The following ADGRA2 variants were observed in gnomAD, a reference collection of about 807,000 sequenced individuals.
The protein encoded by ADGRA2 is G-protein coupled receptor 124.
A neutral mutation model predicts 98.7 loss-of-function variants in ADGRA2; 61 were observed. The observed-to-expected ratio is 0.62, with a 90% CI of 0.50 to 0.76. ADGRA2 has a LOEUF of 0.76. Ranked by LOEUF, ADGRA2 falls within the 30% of genes least tolerant of loss-of-function variation. ADGRA2 has a pLI of 0.00. For synonymous variants in ADGRA2, 858 were observed against 831.5 expected (o/e 1.03, Z -0.55); for missense variants, 1,712 against 1,860.0 (o/e 0.92, Z 1.46).
At chr8:37,804,100 G>GAGACACACACACACAC (rs1310425865) in intron 1 of ADGRA2, among the ~76,000 whole-genome samples, 5 of 107,100 alleles carry the variant, frequency 4.7e-5, no homozygotes, top group Admixed American at 1.0e-4. Flanking sequence ...CCCACGGTGA[G>GAGACACACACACACAC]ACACACACAC....
chr8:37,800,110 C>T (rs1044037646), intron 1 of ADGRA2, among the ~76,000 whole-genome samples: 2 of 152,150 alleles, frequency 1.3e-5, no homozygotes, highest in African/African-American at 4.8e-5. Context: ...TCTGTCTCCT[C>T]CCCATCAGGA....
chr8:37,826,462 T>A (rs1805285718), intron 2 of ADGRA2, among the ~76,000 whole-genome samples: 1 of 152,116 alleles, frequency 6.6e-6, no homozygotes, highest in South Asian at 2.1e-4. Flanking sequence ...GGGGGGCACC[T>A]CCCAGCACAC....
intron 15 of ADGRA2, 68 bp downstream of exon 15, chr8:37,839,151 C>A (rs1335046542): frequency 6.4e-7 from 1 of 1,570,910 alleles, no homozygotes; most frequent in Non-Finnish European, 8.8e-7. Context: ...CTGTCCACTT[C>A]CCGTCCTATG....
intron 2 of ADGRA2, among the ~76,000 whole-genome samples, chr8:37,828,408 CCT>C (rs1805345203): frequency 6.6e-6 from 1 of 151,990 alleles, no homozygotes; most frequent in Admixed American, 6.5e-5. Context: ...TTCTTCGTCT[CCT>C]CTCTCTGTTC....
Position 37,844,364 on chromosome 8 carries a change from G to A in ADGRA2, c.*2009G>A, listed in dbSNP as rs1468801765. 22 of 1,276,896 alleles carry A rather than the reference G, an allele frequency of 1.7e-5. No homozygotes were observed. In the Admixed American group the frequency reaches 3.7e-4, roughly 22 times the overall value. The allele number at this position is 1,276,896 out of a possible 1,614,324, so 79.1% of individuals were successfully genotyped here. A position where few individuals can be genotyped will look rare whatever the true frequency, so the allele number is the denominator to read the frequency against. Reference sequence around the variant, plus strand: ...GACCCAGGGTCCAACTAATGGCAGAGCCCCTCTTGGTTCCTTCAAACAAGA... The same window carrying A: ...GACCCAGGGTCCAACTAATGGCAGAACCCCTCTTGGTTCCTTCAAACAAGA... On this transcript the variant is annotated 3_prime_UTR_variant, in exon 19 of 19. Coordinates refer to ENST00000412232, the MANE Select transcript of ADGRA2 (RefSeq NM_032777.10).
In ADGRA2 at chr8:37,797,918, G is replaced by C. The variant is rs534070211; in HGVS notation, c.266+384G>C. ...GAATGCTCAGGAAAGATCGACGCTC[G>C]TGGCCCAGGAGGGGGCTGTGGTCCT... is the stretch of plus-strand genomic sequence containing the variant. On this transcript the variant is annotated intron_variant, in intron 1 of 18. Coordinates refer to ENST00000412232, the MANE Select transcript of ADGRA2 (RefSeq NM_032777.10). This position sits in a 1 kb window ranked among gnomAD's most constrained non-coding sequence, Gnocchi z 5.3. Among the ~76,000 whole-genome samples, 1 of 152,222 alleles carries C rather than the reference G, an allele frequency of 6.6e-6. No homozygotes were observed. Among genetic ancestry groups the C allele is most frequent in the Non-Finnish European group, 1.5e-5 (1 of 68,040 alleles).
At chr8:37,832,950 G>A in intron 8 of ADGRA2, 60 bp from the exon 9 acceptor site, 2 of 1,330,780 alleles carry the variant, frequency 1.5e-6, no homozygotes, top group South Asian at 1.2e-5. Context: ...CTAAAGTCGG[G>A]AGAAGGGCTG....
At chr8:37,799,323 C>T (rs554571313) in intron 1 of ADGRA2, among the ~76,000 whole-genome samples, 75 of 151,482 alleles carry the variant, frequency 5.0e-4, no homozygotes, top group African/African-American at 1.7e-3. Context: ...TGCAGTGAGC[C>T]GCGATCACGC....
rs373315899 is a variant in ADGRA2 at position 37,831,560 on chromosome 8, G to A, written c.1070G>A (p.Arg357His). 1.3e-4 allele frequency: 215 copies of A among 1,613,876 alleles called. 1 individual carries two copies. The highest frequency in any genetic ancestry group is 1.1e-3 in the East Asian group (48 of 44,884). Residue 357 changes from arginine to histidine, a missense_variant, in exon 8 of 19, where the codon CGT (arginine) becomes CAT (histidine). By Grantham distance (29) the Arg-to-His change is conservative. Transcript: ENST00000412232. ...ETSASYCPAE[R>H]VANNRGDFRW... ...TCTGCCTCCTACTGCCCCGCCGAGC[G>A]TGTTGCCAACAACCGCGGGGACTTC...
At chr8:37,835,523 G>A in intron 12 of ADGRA2, 31 bp from the exon 13 acceptor site, 1 of 1,519,410 alleles carries the variant, frequency 6.6e-7, no homozygotes, top group Non-Finnish European at 9.1e-7. Flanking sequence ...GGGGGTCCTG[G>A]TGTCTCTGAG....
intron 1 of ADGRA2, among the ~76,000 whole-genome samples, chr8:37,811,807 G>A (rs1804839872): frequency 6.6e-6 from 1 of 151,200 alleles, no homozygotes; most frequent in Admixed American, 6.6e-5. Context: ...GTGGCTACTA[G>A]GAAATTTAAA....
intron 2 of ADGRA2, among the ~76,000 whole-genome samples, chr8:37,827,073 T>G (rs1805303486): frequency 6.6e-6 from 1 of 152,190 alleles, no homozygotes; most frequent in Non-Finnish European, 1.5e-5. Context: ...CTCCTGCCAG[T>G]GGGTGGGAGC....
At chr8:37,804,521 C>T (rs1012040051) in intron 1 of ADGRA2, among the ~76,000 whole-genome samples, 2 of 152,160 alleles carry the variant, frequency 1.3e-5, no homozygotes, top group Non-Finnish European at 1.5e-5. Flanking sequence ...GGAGGGTTGC[C>T]GAGATACAGA....
intron 2 of ADGRA2, among the ~76,000 whole-genome samples, chr8:37,823,025 G>A (rs1401449780): frequency 2.6e-5 from 4 of 151,428 alleles, no homozygotes; most frequent in Non-Finnish European, 2.9e-5. Context: ...CTGAGTACCT[G>A]GGATTACAGG....
At chr8:37,837,710 G>T (rs1462225686) in intron 13 of ADGRA2, 21 bp from the exon 14 acceptor site, 2 of 1,544,682 alleles carry the variant, frequency 1.3e-6, no homozygotes, top group Middle Eastern at 1.7e-4. Flanking sequence ...TGTCTGTGTG[G>T]ACGTCCCTCT....
intron 9 of ADGRA2, 113 bp from the exon 10 acceptor site, chr8:37,833,575 C>A: frequency 9.0e-7 from 1 of 1,106,186 alleles, no homozygotes; most frequent in Non-Finnish European, 1.3e-6. Context: ...AGAAGGTAGG[C>A]TGGACTCCTG....
At chr8:37,811,706 C>A (rs1322878514) in intron 1 of ADGRA2, among the ~76,000 whole-genome samples, 1 of 151,476 alleles carries the variant, frequency 6.6e-6, no homozygotes, top group African/African-American at 2.4e-5. Context: ...AAACTCCTGA[C>A]CACAGGTGAT....
intron 2 of ADGRA2, among the ~76,000 whole-genome samples, chr8:37,818,995 A>C (rs1805056987): frequency 6.6e-6 from 1 of 152,140 alleles, no homozygotes. Context: ...TGAGAAATAG[A>C]AGGGCAGTGT....
Position 37,841,911 on chromosome 8 carries a change from C to A in ADGRA2, c.3573C>A (p.Arg1191=), listed in dbSNP as rs1238773862. ...ACAAGAGCCGGGCCAAGGGACACCGCGCGGGGGAGGCCTGCGGCAAGAACC... is the reference window on the plus strand; with the variant it reads ...ACAAGAGCCGGGCCAAGGGACACCGAGCGGGGGAGGCCTGCGGCAAGAACC... The part of the protein sequence containing the change: ...RAHKSRAKGH[R]AGEACGKNRL... Residue 1191 remains arginine (R), a synonymous_variant, in exon 19 of 19, where the codon CGC becomes CGA. Coordinates refer to ENST00000412232, the MANE Select transcript of ADGRA2 (RefSeq NM_032777.10). The surrounding 1 kb of genome is among the most constrained non-coding windows in gnomAD (Gnocchi z 5.0). The A allele has an allele frequency of 6.5e-7, 1 of 1,528,128 alleles. No individual in the cohort carries two copies. Among genetic ancestry groups the A allele is most frequent in the East Asian group, 2.5e-5 (1 of 40,076 alleles). 94.7% of individuals were successfully genotyped at this position (1,528,128 alleles called of 1,614,324 possible). A position where few individuals can be genotyped will look rare whatever the true frequency, so the allele number is the denominator to read the frequency against.
Sources: gnomAD v4.1 joint callset for allele counts (sites outside exome capture counted in the v4.1 genomes callset) on GRCh38, gnomAD v4.1.1 for gene constraint, Gnocchi (gnomAD v3.1) non-coding constraint, MANE v1.5 for transcripts, NCBI Gene and HGNC (gene_info 2026-07-23, HGNC 2026-07-21) for gene names.